The following KIRREL1 variants were observed in gnomAD, a reference collection of about 807,000 sequenced individuals.
The protein encoded by KIRREL1 is kirre like nephrin family adhesion molecule 1.
KIRREL1 carries 25 observed loss-of-function variants against 83.3 expected under a neutral mutation model. The observed-to-expected ratio is 0.30, with a 90% CI of 0.22 to 0.42. The LOEUF (loss-of-function observed/expected upper bound fraction) is 0.42, where lower values mean the gene tolerates loss of function less well. Ranked by LOEUF, KIRREL1 falls within the 10% of genes least tolerant of loss-of-function variation. KIRREL1 has a pLI of 1.00. For missense variants in KIRREL1, 812 were observed against 1,032.3 expected (o/e 0.79, Z 2.92); for synonymous variants, 388 against 410.4 (o/e 0.95, Z 0.66).
Position 158,043,364 on chromosome 1 carries a change from C to A in KIRREL1, c.53-32749C>A, listed in dbSNP as rs929293212. Among the ~76,000 whole-genome samples the A allele has an allele frequency of 5.9e-5, 9 of 152,250 alleles. 1 individual carries two copies. Among genetic ancestry groups the A allele is most frequent in the Admixed American group, 5.2e-4 (8 of 15,298 alleles). ...GCGTAAGAATCCTGACCCCACCCCTCCTCCATTCCTGCTCAGATGTGCTCA... is the reference window on the plus strand; with the variant it reads ...GCGTAAGAATCCTGACCCCACCCCTACTCCATTCCTGCTCAGATGTGCTCA... On this transcript the variant is annotated intron_variant, in intron 1 of 14. Transcript: ENST00000359209.
At chr1:158,061,950 C>T (rs551404974) in intron 1 of KIRREL1, among the ~76,000 whole-genome samples, 2 of 152,238 alleles carry the variant, frequency 1.3e-5, no homozygotes, top group Admixed American at 1.3e-4. Context: ...CTCTCTCTTT[C>T]TGCTAATACT....
chr1:158,066,862 C>T (rs565424589), intron 1 of KIRREL1, among the ~76,000 whole-genome samples: 12 of 152,320 alleles, frequency 7.9e-5, no homozygotes, highest in African/African-American at 2.6e-4. Flanking sequence ...TCTCCCCTAC[C>T]TCCCTTCCCT....
chr1:158,089,843 C>G (rs1324315921), intron 10 of KIRREL1, 25 bp downstream of exon 10: 1 of 1,598,640 alleles, frequency 6.3e-7, no homozygotes, highest in Admixed American at 1.7e-5. Context: ...TGCCTGCGGA[C>G]AGCCAGCCCT....
chr1:158,039,368 G>T (rs1660563822), intron 1 of KIRREL1, among the ~76,000 whole-genome samples: 1 of 152,178 alleles, frequency 6.6e-6, no homozygotes, highest in Non-Finnish European at 1.5e-5. Flanking sequence ...CAGTAAAATT[G>T]CTGGATGCAT....
At chr1:158,021,854 G>T (rs1276491156) in intron 1 of KIRREL1, among the ~76,000 whole-genome samples, 1 of 152,170 alleles carries the variant, frequency 6.6e-6, no homozygotes, top group East Asian at 1.9e-4. Context: ...CAACTGCAGA[G>T]AAATGCCATG....
In KIRREL1 at chr1:158,097,088, C is replaced by T. The variant is rs1368140554; in HGVS notation, c.*1968C>T. The T allele has an allele frequency of 2.2e-6, 1 of 456,542 alleles. No individual in the cohort carries two copies. Among genetic ancestry groups the T allele is most frequent in the African/African-American group, 2.0e-5 (1 of 50,076 alleles). 28.3% of individuals were successfully genotyped at this position (456,542 alleles called of 1,614,324 possible). ...TCCTTCATTTCAGCAGGGAAAACTC[C>T]TGTGGAGTGGGCCCTATCTGGGGCA... On this transcript the variant is annotated 3_prime_UTR_variant, in exon 15 of 15. Coordinates refer to ENST00000359209, the MANE Select transcript of KIRREL1 (RefSeq NM_018240.7).
intron 1 of KIRREL1, among the ~76,000 whole-genome samples, chr1:158,063,840 A>C (rs867021967): frequency 2.0e-5 from 3 of 152,264 alleles, no homozygotes; most frequent in South Asian, 2.1e-4. Flanking sequence ...ACTTTCCTCC[A>C]TGTTGCCCCA....
At chr1:158,021,334 G>A (rs964372033) in intron 1 of KIRREL1, among the ~76,000 whole-genome samples, 2 of 152,156 alleles carry the variant, frequency 1.3e-5, no homozygotes, top group Non-Finnish European at 1.5e-5. Flanking sequence ...CTGGCTGCAT[G>A]ATGCCAAAAT....
chr1:158,055,995 G>T (rs528990584), intron 1 of KIRREL1, among the ~76,000 whole-genome samples: 2 of 152,188 alleles, frequency 1.3e-5, no homozygotes, highest in African/African-American at 2.4e-5. Context: ...ACTGGTGTTT[G>T]CAGGGAGGAC....
At position 158,007,506 on chromosome 1, in the gene KIRREL1, C is replaced by T. The variant is rs115368751; in HGVS notation, c.52+13778C>T. ...GGTATGGCTTTGTCAAATGTGGTCC[C>T]TGCAGCATTCACACTGGCCAGGTGA... On this transcript the variant is annotated intron_variant, in intron 1 of 14. Coordinates refer to ENST00000359209, the MANE Select transcript of KIRREL1 (RefSeq NM_018240.7). Among the ~76,000 whole-genome samples, 747 of 152,238 alleles carry T rather than the reference C, an allele frequency of 4.9e-3. 7 individuals are homozygous for T. Among genetic ancestry groups the T allele is most frequent in the African/African-American group, 0.017 (700 of 41,536 alleles).
intron 1 of KIRREL1, among the ~76,000 whole-genome samples, chr1:158,033,948 C>T (rs935701628): frequency 1.3e-5 from 2 of 151,132 alleles, no homozygotes; most frequent in Non-Finnish European, 2.9e-5. Context: ...CACTGCACTC[C>T]AGCCTGGGCA....
At chr1:158,025,890 A>G (rs917189954) in intron 1 of KIRREL1, among the ~76,000 whole-genome samples, 13 of 151,902 alleles carry the variant, frequency 8.6e-5, no homozygotes, top group Non-Finnish European at 1.2e-4. Flanking sequence ...GTCTGAAGAA[A>G]TGCCCTCCCC....
At chr1:158,076,295 C>T in intron 2 of KIRREL1, 33 bp downstream of exon 2, 2 of 1,601,774 alleles carry the variant, frequency 1.2e-6, no homozygotes, top group East Asian at 2.2e-5. Flanking sequence ...TCCAAACTGT[C>T]CCATCTTCTC....
intron 1 of KIRREL1, among the ~76,000 whole-genome samples, chr1:158,031,627 G>A (rs1043070287): frequency 2.6e-5 from 4 of 152,188 alleles, no homozygotes; most frequent in Non-Finnish European, 4.4e-5. Flanking sequence ...ATGGCTGGGC[G>A]ACTTCTGGAA....
chr1:158,076,700 G>A (rs961125556), intron 2 of KIRREL1, among the ~76,000 whole-genome samples: 3 of 152,332 alleles, frequency 2.0e-5, no homozygotes, highest in South Asian at 4.1e-4. Flanking sequence ...TCTCCTCCCC[G>A]CTGCCCAGGC....
chr1:158,000,946 T>C (rs1659344209), intron 1 of KIRREL1, among the ~76,000 whole-genome samples: 1 of 152,162 alleles, frequency 6.6e-6, no homozygotes, highest in Non-Finnish European at 1.5e-5. Context: ...GCAATCTGGC[T>C]CTGGAAGGTG....
intron 1 of KIRREL1, among the ~76,000 whole-genome samples, chr1:158,022,297 A>G (rs1322739844): frequency 6.6e-6 from 1 of 152,160 alleles, no homozygotes; most frequent in Non-Finnish European, 1.5e-5. Flanking sequence ...TCTCAGAATT[A>G]TTTCTATTTG....
intron 1 of KIRREL1, among the ~76,000 whole-genome samples, chr1:158,058,409 C>T (rs755725271): frequency 4.6e-5 from 7 of 152,212 alleles, no homozygotes; most frequent in Non-Finnish European, 7.3e-5. Context: ...TCTCCCTCCT[C>T]CCTCCCTGCC....
chr1:158,087,983 C>T (rs746214401), intron 6 of KIRREL1, 23 bp from the exon 7 acceptor site: 1 of 1,613,894 alleles, frequency 6.2e-7, no homozygotes, highest in South Asian at 1.1e-5. Context: ...CTGATCCCAC[C>T]TCTGTGTTGC....
Sources: allele counts gnomAD v4.1 joint callset (sites outside exome capture counted in the v4.1 genomes callset), GRCh38; gene constraint gnomAD v4.1.1; transcripts MANE v1.5; gene names NCBI Gene and HGNC (gene_info 2026-07-23, HGNC 2026-07-21).